RERE: variants seen among roughly 807,000 people sequenced by gnomAD.
RERE encodes arginine-glutamic acid dipeptide repeats.
Under a neutral mutation model 146.1 loss-of-function variants are expected in RERE, and 40 were observed. The observed-to-expected ratio is 0.27, with a 90% CI of 0.21 to 0.36. The LOEUF (loss-of-function observed/expected upper bound fraction) is 0.36, where lower values mean the gene tolerates loss of function less well. RERE is among the 10% of genes least tolerant of loss of function. The probability of loss-of-function intolerance (pLI) is 1.00; values close to 1 mark genes in which losing one functional copy is unlikely to be tolerated. For synonymous variants in RERE, 1,003 were observed against 866.0 expected (o/e 1.16, Z -2.78); for missense variants, 1,933 against 2,138.7 (o/e 0.90, Z 1.90).
intron 7 of RERE, among the ~76,000 whole-genome samples, chr1:8,509,676 C>T (rs969461269): frequency 2.6e-5 from 4 of 152,098 alleles, no homozygotes; most frequent in African/African-American, 4.8e-5. Context: ...GGCATGGTGG[C>T]GCACGCCTGT....
chr1:8,760,898 C>G (rs1324957447), intron 1 of RERE, among the ~76,000 whole-genome samples: 1 of 152,142 alleles, frequency 6.6e-6, no homozygotes, highest in African/African-American at 2.4e-5. Flanking sequence ...GTTCCATGTG[C>G]CAGGCTAAAT....
At chr1:8,501,903 C>CT (rs1645166899) in intron 8 of RERE, among the ~76,000 whole-genome samples, 1 of 85,494 alleles carries the variant, frequency 1.2e-5, no homozygotes, top group African/African-American at 4.6e-5. Flanking sequence ...GTCAGCCCCC[C>CT]GCCCGGCCAG....
intron 11 of RERE, among the ~76,000 whole-genome samples, chr1:8,459,940 T>C (rs1178620628): frequency 1.3e-5 from 2 of 152,192 alleles, no homozygotes; most frequent in Non-Finnish European, 2.9e-5. Context: ...TAACTAACCC[T>C]TCCCCTATAT....
At chr1:8,473,255 G>A (rs1644712504) in intron 10 of RERE, among the ~76,000 whole-genome samples, 1 of 152,090 alleles carries the variant, frequency 6.6e-6, no homozygotes, top group African/African-American at 2.4e-5. Context: ...TTCTGCAGCA[G>A]AAGTCCTTGG....
At chr1:8,766,477 T>A (rs1392134196) in intron 1 of RERE, among the ~76,000 whole-genome samples, 2 of 148,336 alleles carry the variant, frequency 1.3e-5, no homozygotes, top group South Asian at 2.1e-4. Context: ...GAGGTGGAGG[T>A]TGCAGTCAGC....
At chr1:8,790,467 A>G (rs1641344443) in intron 1 of RERE, among the ~76,000 whole-genome samples, 1 of 152,258 alleles carries the variant, frequency 6.6e-6, no homozygotes, top group African/African-American at 2.4e-5. Context: ...CCAACAGCCT[A>G]GAGTTTAATA....
chr1:8,476,597 C>T (rs1432115452), intron 10 of RERE, among the ~76,000 whole-genome samples: 1 of 152,208 alleles, frequency 6.6e-6, no homozygotes, highest in Non-Finnish European at 1.5e-5. Context: ...ATGACATTTG[C>T]TCAGTCTGGA....
intron 17 of RERE, 111 bp from the exon 18 acceptor site, chr1:8,361,601 T>C (rs1450328506): frequency 1.2e-5 from 18 of 1,466,100 alleles, no homozygotes; most frequent in African/African-American, 2.8e-5. Flanking sequence ...GCAGCAAGCT[T>C]GGCTCCGGGA....
intron 7 of RERE, among the ~76,000 whole-genome samples, chr1:8,521,537 G>A (rs1349672259): frequency 1.3e-5 from 2 of 152,124 alleles, no homozygotes; most frequent in South Asian, 2.1e-4. Context: ...ATATCTACAT[G>A]AGCTTGAGAC....
chr1:8,365,238 C>T (rs1427637638), intron 13 of RERE, among the ~76,000 whole-genome samples: 6 of 152,186 alleles, frequency 3.9e-5, no homozygotes, highest in African/African-American at 1.2e-4. Flanking sequence ...TAGTCGCCTG[C>T]ATGCGCAACA....
intron 6 of RERE, among the ~76,000 whole-genome samples, chr1:8,541,737 A>C (rs1369279297): frequency 1.3e-5 from 2 of 152,202 alleles, no homozygotes; most frequent in Non-Finnish European, 2.9e-5. Flanking sequence ...TTTAAAGCTA[A>C]AATGTGGAAT....
intron 4 of RERE, among the ~76,000 whole-genome samples, chr1:8,575,169 A>G (rs1646275235): frequency 6.6e-6 from 1 of 152,182 alleles, no homozygotes; most frequent in Admixed American, 6.5e-5. Flanking sequence ...CTGAAAGGAC[A>G]GACCTGCTGG....
chr1:8,500,046 G>A (rs781105452), intron 8 of RERE, among the ~76,000 whole-genome samples: 1 of 152,208 alleles, frequency 6.6e-6, no homozygotes, highest in Non-Finnish European at 1.5e-5. Flanking sequence ...CTTGAAACCT[G>A]GGAGGCGGAG....
intron 12 of RERE, among the ~76,000 whole-genome samples, chr1:8,404,347 G>C (rs984704499): frequency 6.6e-6 from 1 of 152,084 alleles, no homozygotes; most frequent in African/African-American, 2.4e-5. Context: ...GAACCCAGGA[G>C]GCGGAGCTTG....
chr1:8,455,264 CAG>C (rs1283748575), intron 11 of RERE, among the ~76,000 whole-genome samples: 2 of 151,950 alleles, frequency 1.3e-5, no homozygotes, highest in African/African-American at 4.8e-5. Context: ...TTTTTAGAGA[CAG>C]GGTATCGCTC....
At chr1:8,393,819 T>C (rs1442944740) in intron 12 of RERE, among the ~76,000 whole-genome samples, 1 of 152,160 alleles carries the variant, frequency 6.6e-6, no homozygotes, top group Admixed American at 6.5e-5. Context: ...GTAAAAACTA[T>C]ATAGAGTTGA....
At chr1:8,500,768 C>A (rs1425055645) in intron 8 of RERE, among the ~76,000 whole-genome samples, 1 of 151,716 alleles carries the variant, frequency 6.6e-6, no homozygotes, top group Non-Finnish European at 1.5e-5. Flanking sequence ...AAGCGAGGAG[C>A]GCCTCTTCCC....
intron 10 of RERE, among the ~76,000 whole-genome samples, chr1:8,490,749 TA>T (rs1044379527): frequency 1.3e-5 from 2 of 149,722 alleles, no homozygotes; most frequent in Admixed American, 6.6e-5. Flanking sequence ...TTTAAAAAAA[TA>T]AAAAAAACAT....
intron 4 of RERE, among the ~76,000 whole-genome samples, chr1:8,563,545 T>C (rs138503597): frequency 1.9e-4 from 29 of 152,238 alleles, no homozygotes; most frequent in African/African-American, 6.5e-4. Context: ...TGTTATCAAA[T>C]GTGACAGAGA....
Sources: allele counts gnomAD v4.1 joint callset (sites outside exome capture counted in the v4.1 genomes callset), GRCh38; gene constraint gnomAD v4.1.1; transcripts MANE v1.5; gene names NCBI Gene and HGNC (gene_info 2026-07-23, HGNC 2026-07-21).